The following FHOD3 variants were observed in gnomAD, a reference collection of about 807,000 sequenced individuals.
FHOD3 encodes formin homology 2 domain containing 3, also known as FH1/FH2 domain-containing protein 3.
A neutral mutation model predicts 173.0 loss-of-function variants in FHOD3; 90 were observed. That is an observed-to-expected ratio of 0.52 (90% confidence interval 0.44 to 0.62). The LOEUF is 0.62. Among genes scored for constraint, FHOD3 ranks in the 20% least tolerant of loss-of-function variants. The pLI, the probability that FHOD3 is intolerant of heterozygous loss-of-function variation, is 0.00. For synonymous variants in FHOD3, 828 were observed against 823.0 expected, an observed-to-expected ratio of 1.01 and a Z score of -0.10; for missense variants, 1,945 against 2,034.7, an observed-to-expected ratio of 0.96 and a Z score of 0.85.
intron 1 of FHOD3, among the ~76,000 whole-genome samples, chr18:36,311,760 G>A (rs2092262824): frequency 6.6e-6 from 1 of 152,108 alleles, no homozygotes; most frequent in African/African-American, 2.4e-5. Context: ...ATGCAGCCCT[G>A]GCCCCTGCCT....
intron 8 of FHOD3, among the ~76,000 whole-genome samples, chr18:36,603,810 A>AT (rs1263361742): frequency 6.6e-6 from 1 of 152,134 alleles, no homozygotes; most frequent in East Asian, 1.9e-4. Flanking sequence ...GGCCAAAATT[A>AT]TTTTTTAAAA....
chr18:36,580,545 C>G (rs984170641), intron 6 of FHOD3, among the ~76,000 whole-genome samples: 2 of 152,206 alleles, frequency 1.3e-5, no homozygotes, highest in African/African-American at 4.8e-5. Flanking sequence ...AGGGTGTGCT[C>G]TGTTCTAGGC....
At chr18:36,608,618 G>A (rs2032341058) in intron 8 of FHOD3, among the ~76,000 whole-genome samples, 1 of 152,080 alleles carries the variant, frequency 6.6e-6, no homozygotes, top group South Asian at 2.1e-4. Context: ...ACTAAGAATA[G>A]CATAGTATTC....
intron 22 of FHOD3, 38 bp from the exon 23 acceptor site, chr18:36,743,994 T>C: frequency 6.2e-7 from 1 of 1,612,214 alleles, no homozygotes; most frequent in Non-Finnish European, 8.5e-7. Context: ...TCTAAGAGCC[T>C]GCTTGAAACA....
At chr18:36,393,314 T>G (rs2048390812) in intron 3 of FHOD3, among the ~76,000 whole-genome samples, 1 of 152,212 alleles carries the variant, frequency 6.6e-6, no homozygotes, top group Non-Finnish European at 1.5e-5. Context: ...TCTCTTTCCT[T>G]GTATTGTTCT....
At chr18:36,312,099 T>C (rs1292585748) in intron 1 of FHOD3, among the ~76,000 whole-genome samples, 1 of 152,186 alleles carries the variant, frequency 6.6e-6, no homozygotes, top group East Asian at 1.9e-4. Flanking sequence ...AAAACTACTC[T>C]TGCTAAGGTA....
At position 36,388,776 on chromosome 18, in the gene FHOD3, A is replaced by C. The variant is rs2048152848; in HGVS notation, c.337+16032A>C. On this transcript the variant is annotated intron_variant, in intron 3 of 28. Coordinates refer to ENST00000590592, the MANE Select transcript of FHOD3 (RefSeq NM_001281740.3). Reference sequence around the variant, plus strand: ...AAAACAAAACAGACCACCACCACCAACAATGAAGATGGGAGAATAAGGGTT... The same window carrying C: ...AAAACAAAACAGACCACCACCACCACCAATGAAGATGGGAGAATAAGGGTT... 3.3e-5 allele frequency among the ~76,000 whole-genome samples: 5 copies of C among 152,220 alleles called. No homozygotes were observed. The South Asian group carries it at 1.0e-3, about 31-fold the overall frequency.
chr18:36,514,977 G>A (rs182409341), intron 5 of FHOD3, among the ~76,000 whole-genome samples: 5 of 152,184 alleles, frequency 3.3e-5, no homozygotes, highest in Non-Finnish European at 7.3e-5. Context: ...GAGGGAGTTC[G>A]GAAAGAAAAC....
rs529837540 is a variant in FHOD3 at position 36,590,985 on chromosome 18, C to T, written c.607-3802C>T. Among the ~76,000 whole-genome samples, 4 of 152,230 alleles carry T rather than the reference C, an allele frequency of 2.6e-5. No homozygotes were observed. In the East Asian group the frequency reaches 7.7e-4, roughly 29 times the overall value. ...TGGGGGGAGTGGGTTGGGCAGCAGCCAGGTTCTTTCCTGGGGAGGCATTTA... is the reference window on the plus strand; with the variant it reads ...TGGGGGGAGTGGGTTGGGCAGCAGCTAGGTTCTTTCCTGGGGAGGCATTTA... On this transcript the variant is annotated intron_variant, in intron 6 of 28. Transcript: ENST00000590592.
intron 17 of FHOD3, among the ~76,000 whole-genome samples, chr18:36,705,422 C>T (rs1050662233): frequency 6.6e-6 from 1 of 152,182 alleles, no homozygotes; most frequent in Non-Finnish European, 1.5e-5. Flanking sequence ...CGTTCCAGGC[C>T]TTGCCAAAGA....
chr18:36,612,402 A>C (rs1233760177), intron 9 of FHOD3, among the ~76,000 whole-genome samples: 2 of 152,210 alleles, frequency 1.3e-5, no homozygotes, highest in African/African-American at 4.8e-5. Context: ...TCACTCAAGG[A>C]GACGGGGAGA....
chr18:36,445,254 A>G (rs2051400284), intron 3 of FHOD3, among the ~76,000 whole-genome samples: 1 of 152,188 alleles, frequency 6.6e-6, no homozygotes, highest in Non-Finnish European at 1.5e-5. Flanking sequence ...TAGTTAATCC[A>G]TACCTTTCCA....
intron 5 of FHOD3, among the ~76,000 whole-genome samples, chr18:36,529,359 G>A (rs1160123538): frequency 6.6e-6 from 1 of 152,152 alleles, no homozygotes; most frequent in Non-Finnish European, 1.5e-5. Context: ...CCAGTTTCTA[G>A]GTTAAGATTT....
chr18:36,610,725 A>G (rs1364983447), intron 8 of FHOD3, among the ~76,000 whole-genome samples: 1 of 152,250 alleles, frequency 6.6e-6, no homozygotes, highest in African/African-American at 2.4e-5. Flanking sequence ...AGCTGGTGCT[A>G]TGAAATGATC....
At chr18:36,370,457 T>G (rs77192023) in intron 2 of FHOD3, among the ~76,000 whole-genome samples, 2,025 of 152,044 alleles carry the variant, frequency 0.013, 33 homozygotes, top group African/African-American at 0.046. Context: ...TTGGCAGTCA[T>G]TGTTTTTATT....
chr18:36,560,185 C>G (rs2058037953), intron 5 of FHOD3, among the ~76,000 whole-genome samples: 1 of 152,196 alleles, frequency 6.6e-6, no homozygotes, highest in South Asian at 2.1e-4. Flanking sequence ...ACTTAGAAAG[C>G]TGTTCACTGC....
intron 3 of FHOD3, among the ~76,000 whole-genome samples, chr18:36,444,083 T>C (rs1469590095): frequency 6.6e-6 from 1 of 151,240 alleles, no homozygotes; most frequent in East Asian, 1.9e-4. Context: ...GTCCCAGCTG[T>C]TCAGGAGGCT....
In FHOD3 at chr18:36,652,751, T is replaced by A. The variant is rs2036148680; in HGVS notation, c.1468T>A (p.Ser490Thr). The A allele has an allele frequency of 6.5e-7, 1 of 1,535,722 alleles. No individual in the cohort carries two copies. Among genetic ancestry groups the A allele is most frequent in the South Asian group, 1.2e-5 (1 of 84,046 alleles). The change falls in exon 12 of 29, where the codon TCA (serine) becomes ACA (threonine). Residue 490 changes from serine (S) to threonine (T), a missense_variant. Around this residue, in one of 5 missense-constraint regions of FHOD3, gnomAD observed 1,099 missense variants for 1,051.2 expected, o/e 1.05. Coordinates refer to ENST00000590592, the MANE Select transcript of FHOD3 (RefSeq NM_001281740.3). The stretch of plus-strand genomic sequence containing the variant: ...TGAGGCCACCCCATCTGCCCTCCTG[T>A]CACCCCCTGCCTCAGCTGCTCGGCC... Reference protein sequence around the residue: ...GSEATPSALLSPPASAARPSS... With the variant: ...GSEATPSALLTPPASAARPSS...
At chr18:36,326,474 A>T (rs932168074) in intron 1 of FHOD3, among the ~76,000 whole-genome samples, 49 of 152,186 alleles carry the variant, frequency 3.2e-4, no homozygotes, top group African/African-American at 1.2e-3. Flanking sequence ...TCACACTTAT[A>T]AAGTACTTCA....
Sources: gnomAD v4.1 joint callset for allele counts (sites outside exome capture counted in the v4.1 genomes callset) on GRCh38, gnomAD v4.1.1 for gene constraint, gnomAD v4.1.1 regional missense constraint, MANE v1.5 for transcripts, NCBI Gene and HGNC (gene_info 2026-07-23, HGNC 2026-07-21) for gene names.